The following SPHKAP variants were observed in gnomAD, a reference collection of about 807,000 sequenced individuals.
The protein encoded by SPHKAP is A-kinase anchor protein SPHKAP.
SPHKAP carries 67 observed loss-of-function variants against 137.5 expected under a neutral mutation model. The observed-to-expected ratio is 0.49, with a 90% confidence interval of 0.40 to 0.60. The LOEUF (loss-of-function observed/expected upper bound fraction) is 0.60. Ranked by LOEUF, SPHKAP falls within the 20% of genes least tolerant of loss-of-function variation. The pLI is 0.00. For missense variants in SPHKAP, 2,097 were observed against 2,069.3 expected, an observed-to-expected ratio of 1.01 and a Z score of -0.26; for synonymous variants, 813 against 785.3, an observed-to-expected ratio of 1.04 and a Z score of -0.59.
At chr2:228,163,938 G>A (rs1700349320) in intron 1 of SPHKAP, among the ~76,000 whole-genome samples, 2 of 152,160 alleles carry the variant, frequency 1.3e-5, no homozygotes, top group Admixed American at 6.5e-5. Context: ...TTGATGGCTG[G>A]TAGAGTATTG....
intron 1 of SPHKAP, among the ~76,000 whole-genome samples, chr2:228,176,874 TCAAAAA>T (rs754591181): frequency 6.6e-4 from 100 of 152,070 alleles, no homozygotes; most frequent in Non-Finnish European, 1.8e-4. Context: ...AAACTCCGTC[TCAAAAA>T]CAAAAACAAA....
At chr2:228,124,640 A>T (rs890791243) in intron 2 of SPHKAP, among the ~76,000 whole-genome samples, 10 of 151,636 alleles carry the variant, frequency 6.6e-5, no homozygotes, top group Admixed American at 6.6e-4. Context: ...GTAAATGACG[A>T]GTTAATGGGT....
At chr2:228,046,291 C>CTTTTTTTTTTTTTTTTTTTTTTTTTTT (rs58510792) in intron 3 of SPHKAP, among the ~76,000 whole-genome samples, 1 of 82,528 alleles carries the variant, frequency 1.2e-5, no homozygotes, top group Non-Finnish European at 2.2e-5. Context: ...TGTTGTTATT[C>CTTTTTTTTTTTTTTTTTTTTTTTTTTT]TTTTTTTTTT....
At chr2:228,092,432 T>C (rs574389155) in intron 3 of SPHKAP, among the ~76,000 whole-genome samples, 39 of 112,206 alleles carry the variant, frequency 3.5e-4, no homozygotes, top group African/African-American at 1.3e-3. Flanking sequence ...TACATATATG[T>C]ATATATGTGC....
intron 1 of SPHKAP, among the ~76,000 whole-genome samples, chr2:228,163,034 A>G (rs1700320921): frequency 6.6e-6 from 1 of 152,196 alleles, no homozygotes. Context: ...ATGAGGAGGT[A>G]GCAAAACTGG....
At chr2:228,022,641 A>G (rs1345660481) in intron 5 of SPHKAP, among the ~76,000 whole-genome samples, 4 of 152,206 alleles carry the variant, frequency 2.6e-5, no homozygotes, top group African/African-American at 9.6e-5. Context: ...TTACATCTCA[A>G]AAAGGCACAG....
intron 3 of SPHKAP, among the ~76,000 whole-genome samples, chr2:228,030,179 T>C (rs757183919): frequency 5.9e-5 from 9 of 152,208 alleles, no homozygotes; most frequent in Non-Finnish European, 7.3e-5. Flanking sequence ...TCCAGGCTTC[T>C]TAAGGCCTGA....
In SPHKAP at chr2:228,072,523, T is replaced by C. The variant is rs577473717; in HGVS notation, c.246+36309A>G. 1.4e-4 allele frequency among the ~76,000 whole-genome samples: 22 copies of C among 152,306 alleles called. 1 individual carries two copies. The South Asian group carries it at 4.1e-3, about 29-fold the overall frequency. On this transcript the variant is annotated intron_variant, in intron 3 of 11. Transcript: ENST00000392056. ...CACCCCAAATCCGTGTTTTACAATG[T>C]ACTATTGACACGTGTCTATCAGGAG...
chr2:228,140,224 G>A (rs1378001738), intron 1 of SPHKAP, among the ~76,000 whole-genome samples: 1 of 150,884 alleles, frequency 6.6e-6, no homozygotes, highest in Non-Finnish European at 1.5e-5. Context: ...GGAGATTACA[G>A]GTGTGAGCTA....
At chr2:228,042,879 C>A (rs1291146579) in intron 3 of SPHKAP, among the ~76,000 whole-genome samples, 4 of 152,226 alleles carry the variant, frequency 2.6e-5, no homozygotes, top group South Asian at 4.1e-4. Context: ...GAAAAGACTT[C>A]CATCTTGTTC....
chr2:228,100,524 C>T lies in SPHKAP; in HGVS notation c.246+8308G>A, dbSNP rs564145095. 5.3e-5 allele frequency among the ~76,000 whole-genome samples: 8 copies of T among 152,096 alleles called. No homozygotes were observed. The South Asian group carries it at 1.2e-3, about 24-fold the overall frequency. The stretch of plus-strand genomic sequence containing the variant: ...TATTTTGAGGTATGTTACTTTGATG[C>T]CTAGTTTGTTGAGGGTTTTTATCAG... On this transcript the variant is annotated intron_variant, in intron 3 of 11. Coordinates refer to ENST00000392056, the MANE Select transcript of SPHKAP (RefSeq NM_001142644.2).
At chr2:228,135,081 C>A (rs570818061) in intron 1 of SPHKAP, among the ~76,000 whole-genome samples, 36 of 152,146 alleles carry the variant, frequency 2.4e-4, no homozygotes, top group African/African-American at 8.4e-4. Flanking sequence ...TCGAGACCAG[C>A]CTGACCAACA....
In SPHKAP at chr2:228,019,019, T is replaced by G; in HGVS notation, c.1835A>C (p.Lys612Thr). The G allele has an allele frequency of 6.2e-7, 1 of 1,613,996 alleles. No homozygotes were observed. Among genetic ancestry groups the G allele is most frequent in the South Asian group, 1.1e-5 (1 of 91,082 alleles). ...GAGCAATCCCTTGGCAATGGCTTCC[T>G]TGCCAAGCTCCATGCTTGCTAAACC... The part of the protein sequence containing the change: ...LCGLASMELG[K>T]EAIAKGLLKE... The change falls in exon 7 of 12, where the codon AAG becomes ACG. Residue 612 changes from lysine to threonine, a missense_variant. Lys to Thr is a moderately conservative substitution (Grantham distance 78). Coordinates refer to ENST00000392056, the MANE Select transcript of SPHKAP (RefSeq NM_001142644.2).
At chr2:227,984,795 G>A (rs1210318451) in intron 11 of SPHKAP, among the ~76,000 whole-genome samples, 1 of 152,182 alleles carries the variant, frequency 6.6e-6, no homozygotes, top group Non-Finnish European at 1.5e-5. Context: ...CTCACAGGTT[G>A]TTGATTTGTT....
intron 6 of SPHKAP, 123 bp from the exon 7 acceptor site, chr2:228,020,279 G>A (rs1657505015): frequency 7.3e-7 from 1 of 1,366,808 alleles, no homozygotes; most frequent in African/African-American, 1.5e-5. Context: ...TATGTTTATT[G>A]CAGCACTATT....
intron 7 of SPHKAP, among the ~76,000 whole-genome samples, chr2:228,000,623 T>A (rs11895639): frequency 2.3e-4 from 8 of 34,942 alleles, no homozygotes; most frequent in Non-Finnish European, 3.6e-4. Flanking sequence ...CTAAAAAAAA[T>A]AATAATAATA....
In SPHKAP at chr2:228,135,697, A is replaced by G. The variant is rs77881276; in HGVS notation, c.33-3612T>C. Among the ~76,000 whole-genome samples, 616 of 152,318 alleles carry G rather than the reference A, an allele frequency of 4.0e-3. 3 individuals carry two copies. Among genetic ancestry groups the G allele is most frequent in the African/African-American group, 0.014 (571 of 41,558 alleles). ...ATTTGTTCTAATGCTAAGCCTGTAT[A>G]GCATTAATAAATAAATTTAACTATA... On this transcript the variant is annotated intron_variant, in intron 1 of 11. Transcript: ENST00000392056.
chr2:228,076,017 G>A (rs1294469452), intron 3 of SPHKAP, among the ~76,000 whole-genome samples: 1 of 152,134 alleles, frequency 6.6e-6, no homozygotes, highest in Non-Finnish European at 1.5e-5. Flanking sequence ...ATGGGGGCAG[G>A]TCTTTTCTGC....
intron 3 of SPHKAP, among the ~76,000 whole-genome samples, chr2:228,097,987 G>C (rs781171683): frequency 1.1e-4 from 17 of 152,128 alleles, no homozygotes; most frequent in Non-Finnish European, 2.2e-4. Flanking sequence ...ATATTCCTTT[G>C]TGTATATACC....
Sources: allele counts gnomAD v4.1 joint callset (sites outside exome capture counted in the v4.1 genomes callset), GRCh38; gene constraint gnomAD v4.1.1; transcripts MANE v1.5; gene names NCBI Gene and HGNC (gene_info 2026-07-23, HGNC 2026-07-21).